Variants in SHKBP1 observed in about 807,000 individuals in gnomAD.
SHKBP1 encodes SH3KBP1-binding protein 1.
Under a neutral mutation model 83.9 loss-of-function variants are expected in SHKBP1, and 71 were observed. That is an observed-to-expected ratio of 0.85 (90% CI 0.70 to 1.03). The LOEUF (loss-of-function observed/expected upper bound fraction) is 1.03. Ranked by LOEUF, SHKBP1 falls within the 50% of genes least tolerant of loss-of-function variation. The probability of loss-of-function intolerance (pLI) is 0.00; values close to 1 mark genes in which losing one functional copy is unlikely to be tolerated. For synonymous variants in SHKBP1, 371 were observed against 398.0 expected (o/e 0.93, Z 0.81); for missense variants, 824 against 982.4 (o/e 0.84, Z 2.16).
rs1397031769 is a variant in SHKBP1, at chr19:40,582,850, CAG to C, written c.960+387_960+388del. Reference sequence around the variant, plus strand: ...AGGATGGCTTTGGGAGAAAGACAGACAGAGGCAGAGAAAGAGACAGAGAGGCA... The same window carrying C: ...AGGATGGCTTTGGGAGAAAGACAGACAGGCAGAGAAAGAGACAGAGAGGCA... On this transcript the variant is annotated intron_variant, in intron 10 of 17. Transcript: ENST00000291842. Among the ~76,000 whole-genome samples the C allele has an allele frequency of 2.0e-5, 3 of 150,554 alleles. No individual in the cohort carries two copies. The East Asian group carries it at 5.9e-4, about 29-fold the overall frequency.
chr19:40,578,034 T>C, intron 4 of SHKBP1, 120 bp from the exon 5 acceptor site: 3 of 816,116 alleles, frequency 3.7e-6, no homozygotes, highest in South Asian at 2.9e-5. Flanking sequence ...TTAGCATCTT[T>C]ATTCCATCAA....
At position 40,590,251 on chromosome 19, in the gene SHKBP1, T is replaced by G; in HGVS notation, c.1597T>G (p.Ser533Ala). 6.3e-7 allele frequency: 1 copy of G among 1,588,798 alleles called. No homozygotes were observed. Among genetic ancestry groups the G allele is most frequent in the Non-Finnish European group, 8.6e-7 (1 of 1,169,464 alleles). The change falls in exon 16 of 18, where the codon TCC becomes GCC. Residue 533 changes from serine (S) to alanine (A), a missense_variant. Around this residue, in one of 3 missense-constraint regions of SHKBP1, gnomAD observed 287 missense variants for 322.9 expected, o/e 0.89. Transcript: ENST00000291842. The surrounding 1 kb of genome is among the most constrained non-coding windows in gnomAD (Gnocchi z 4.6). ...RLSSTGQRVC[S>A]VRSVDGSPTT... ...CCCCACTGCACCCCCCAGGGTGTGC[T>G]CCGTGCGCTCCGTGGACGGCTCACC... is the stretch of plus-strand genomic sequence containing the variant.
Position 40,576,923 on chromosome 19 carries a change from C to T in SHKBP1, c.24C>T (p.Ala8=). 6.7e-7 allele frequency: 1 copy of T among 1,485,096 alleles called. No individual in the cohort carries two copies. Among genetic ancestry groups the T allele is most frequent in the Non-Finnish European group, 8.9e-7 (1 of 1,122,384 alleles). 92.0% of individuals were successfully genotyped at this position (1,485,096 alleles called of 1,614,324 possible). MAAAATA[A]EGVPSRGPPG... is the part of the protein sequence containing the mutation. Reference sequence around the variant, plus strand: ...CCATGGCAGCAGCGGCTACTGCAGCCGAGGGGGTCCCCAGTCGGGGGCCTC... The same window carrying T: ...CCATGGCAGCAGCGGCTACTGCAGCTGAGGGGGTCCCCAGTCGGGGGCCTC... The change falls in exon 1 of 18, where the codon GCC becomes GCT. Residue 8 remains alanine (A), a synonymous_variant. Transcript: ENST00000291842.
At chr19:40,581,130 C>T (rs2081266431) in intron 9 of SHKBP1, among the ~76,000 whole-genome samples, 194 bp downstream of exon 9, 1 of 152,136 alleles carries the variant, frequency 6.6e-6, no homozygotes, top group Admixed American at 6.6e-5. Context: ...AAAATCCACC[C>T]ACATACAATT....
rs1335297535 is a variant in SHKBP1 at position 40,583,311 on chromosome 19, G to T, written c.961-87G>T. 4 of 1,112,418 alleles carry T rather than the reference G, an allele frequency of 3.6e-6. No individual in the cohort carries two copies. The East Asian group carries it at 1.0e-4, about 29-fold the overall frequency. 68.9% of individuals were successfully genotyped at this position (1,112,418 alleles called of 1,614,324 possible). A position where few individuals can be genotyped will look rare whatever the true frequency, so the allele number is the denominator to read the frequency against. ...CAGTGGGTGGGTTCTGGAGGTGGAGGAGAGGGCCCATCCTCTGTGAGGGGT... is the reference window on the plus strand; with the variant it reads ...CAGTGGGTGGGTTCTGGAGGTGGAGTAGAGGGCCCATCCTCTGTGAGGGGT... On this transcript the variant is annotated intron_variant, in intron 10 of 17. Coordinates refer to ENST00000291842, the MANE Select transcript of SHKBP1 (RefSeq NM_138392.4).
chr19:40,577,154 C>T, intron 1 of SHKBP1, 77 bp from the exon 2 acceptor site: 1 of 1,576,108 alleles, frequency 6.3e-7, no homozygotes, highest in Non-Finnish European at 8.7e-7. Context: ...GGAGGGAACC[C>T]TGGATCCTGC....
chr19:40,590,346 G>A lies in SHKBP1; in HGVS notation c.1692G>A (p.Leu564=), dbSNP rs765933240. ...RRLGSRPRRY[L]LTGQANGSLA... Reference sequence around the variant, plus strand: ...TCGGCTCTCGGCCCCGGCGCTACCTGCTCACTGGCCAGGCCAACGGCAGCT... The same window carrying A: ...TCGGCTCTCGGCCCCGGCGCTACCTACTCACTGGCCAGGCCAACGGCAGCT... The change falls in exon 16 of 18, where the codon CTG becomes CTA. Residue 564 remains leucine, a synonymous_variant. Coordinates refer to ENST00000291842, the MANE Select transcript of SHKBP1 (RefSeq NM_138392.4). The surrounding 1 kb of genome is among the most constrained non-coding windows in gnomAD (Gnocchi z 4.6). 1 of 1,612,104 alleles carries A rather than the reference G, an allele frequency of 6.2e-7. No homozygotes were observed. The highest frequency in any genetic ancestry group is 8.5e-7 in the Non-Finnish European group (1 of 1,179,436).
rs1004592060 is a variant in SHKBP1 at position 40,590,632 on chromosome 19, C to T, written c.1769-98C>T. ...CCATGCATTGATCTCTGCTTCCTCT[C>T]TCCTGTCCTGACCCTCGGTGCTTGC... On this transcript the variant is annotated intron_variant, in intron 16 of 17. Transcript: ENST00000291842. This position sits in a 1 kb window ranked among gnomAD's most constrained non-coding sequence, Gnocchi z 4.6. 18 of 1,453,048 alleles carry T rather than the reference C, an allele frequency of 1.2e-5. No homozygotes were observed. The highest frequency in any genetic ancestry group is 2.8e-5 in the African/African-American group (2 of 71,024). The allele number at this position is 1,453,048 out of a possible 1,614,324, so 90.0% of individuals were successfully genotyped here. A position where few individuals can be genotyped will look rare whatever the true frequency, so the allele number is the denominator to read the frequency against.
rs753076282 is a variant in SHKBP1, at chr19:40,589,208, A to G, written c.1589+30A>G. The G allele has an allele frequency of 1.2e-5, 17 of 1,465,018 alleles. No homozygotes were observed. The East Asian group carries it at 3.7e-4, about 32-fold the overall frequency. 90.8% of individuals were successfully genotyped at this position (1,465,018 alleles called of 1,614,324 possible). ...GGACAGTCCTGTCCAACAGGGAGGG[A>G]GGACAGTCCTGTCCAACAGGGAGGG... On this transcript the variant is annotated intron_variant, in intron 15 of 17. Coordinates refer to ENST00000291842, the MANE Select transcript of SHKBP1 (RefSeq NM_138392.4).
In SHKBP1 at chr19:40,590,529, C is replaced by T; in HGVS notation, c.1768+107C>T. The T allele has an allele frequency of 1.4e-6, 2 of 1,382,340 alleles. No homozygotes were observed. The highest frequency in any genetic ancestry group is 1.4e-5 in the South Asian group (1 of 72,974). The allele number at this position is 1,382,340 out of a possible 1,614,324, so 85.6% of individuals were successfully genotyped here. On this transcript the variant is annotated intron_variant, in intron 16 of 17. Transcript: ENST00000291842. The surrounding 1 kb of genome is among the most constrained non-coding windows in gnomAD (Gnocchi z 4.6). ...CTCTCCCAGGCCCTTGCCCTCTGACCCCTTTTCCTTTGACCCCCTCTCTGC... is the reference window on the plus strand; with the variant it reads ...CTCTCCCAGGCCCTTGCCCTCTGACTCCTTTTCCTTTGACCCCCTCTCTGC...
Position 40,578,163 on chromosome 19 carries a change from C to T in SHKBP1, c.270C>T (p.His90=), listed in dbSNP as rs886890304. ...CAATTCTACTACCCAGGGGTGTCCA[C>T]GGTTCCAGCCTCCTCCATGAAGCCC... The part of the protein sequence containing the change: ...RTKELDPRGV[H]GSSLLHEAQF... Residue 90 remains histidine, a synonymous_variant, in exon 5 of 18, where the codon CAC becomes CAT. Coordinates refer to ENST00000291842, the MANE Select transcript of SHKBP1 (RefSeq NM_138392.4). 10 of 1,613,922 alleles carry T rather than the reference C, an allele frequency of 6.2e-6. No individual in the cohort carries two copies. Among genetic ancestry groups the T allele is most frequent in the African/African-American group, 4.0e-5 (3 of 74,930 alleles).
At chr19:40,579,620 C>T (rs2081250016) in intron 6 of SHKBP1, among the ~76,000 whole-genome samples, 1 of 152,200 alleles carries the variant, frequency 6.6e-6, no homozygotes, top group Non-Finnish European at 1.5e-5. Context: ...ACTATGATCA[C>T]TCATTACACC....
Position 40,576,987 on chromosome 19 carries a change from TG to T in SHKBP1, c.86+3del. The T allele has an allele frequency of 6.6e-7, 1 of 1,511,958 alleles. No individual in the cohort carries two copies. The highest frequency in any genetic ancestry group is 8.8e-7 in the Non-Finnish European group (1 of 1,130,922). 93.7% of individuals were successfully genotyped at this position (1,511,958 alleles called of 1,614,324 possible). A position where few individuals can be genotyped will look rare whatever the true frequency, so the allele number is the denominator to read the frequency against. On this transcript the variant is annotated splice_donor_region_variant and intron_variant, in intron 1 of 17. Transcript: ENST00000291842. Reference sequence around the variant, plus strand: ...TCATCTGAATGTGGGAGGCAAGAGGTGAGTGTGGGAGACTCCTGAGGTCCCA... The same window carrying T: ...TCATCTGAATGTGGGAGGCAAGAGGTAGTGTGGGAGACTCCTGAGGTCCCA...
chr19:40,578,512 G>A lies in SHKBP1; in HGVS notation c.370G>A (p.Val124Ile). The change falls in exon 6 of 18, where the codon GTC becomes ATC. Residue 124 changes from valine (V) to isoleucine (I), a missense_variant. Transcript: ENST00000291842. Reference protein sequence around the residue: ...EELDRSSCGNVLFNGYLPPPV... With the variant: ...EELDRSSCGNILFNGYLPPPV... ...GTTGGATCGATCTTCTTGTGGAAAC[G>A]TCCTCTTCAATGGTTACCTGCCGCC... The A allele has an allele frequency of 1.2e-6, 2 of 1,614,112 alleles. No homozygotes were observed. The highest frequency in any genetic ancestry group is 1.7e-6 in the Non-Finnish European group (2 of 1,180,036).
Position 40,591,339 on chromosome 19 carries a change from C to A in SHKBP1, c.*132C>A. On this transcript the variant is annotated 3_prime_UTR_variant, in exon 18 of 18. Transcript: ENST00000291842. ...TAAATGGTTATTGTTACTAGGTCCC[C>A]ACCTTCCCTCTTTTCTGGAAGCCAA... 1.4e-6 allele frequency: 1 copy of A among 724,976 alleles called. No homozygotes were observed. Among genetic ancestry groups the A allele is most frequent in the Non-Finnish European group, 2.1e-6 (1 of 470,266 alleles). The allele number at this position is 724,976 out of a possible 1,614,324, so 44.9% of individuals were successfully genotyped here.
In SHKBP1 at chr19:40,582,428, C is replaced by T. The variant is rs1049793310; in HGVS notation, c.922C>T (p.Arg308Cys). Residue 308 changes from arginine (R) to cysteine (C), a missense_variant, in exon 10 of 18, where the codon CGC becomes TGC. Physicochemically the swap from Arg to Cys is radical, Grantham distance 180 (BLOSUM62 -3). This residue lies in a region of SHKBP1 where 182 missense variants were observed against 273.1 expected (regional missense o/e 0.67). Transcript: ENST00000291842. ...GCTCATTGCTACAAGCCACACAGGG[C>T]GCATCGGGGTGTGGAATGCCGTCAC... ...NQLIATSHTG[R>C]IGVWNAVTKH... The T allele has an allele frequency of 5.6e-6, 9 of 1,613,970 alleles. No homozygotes were observed. The highest frequency in any genetic ancestry group is 5.0e-5 in the Admixed American group (3 of 59,984).
chr19:40,580,071 A>G (rs1208775795), intron 6 of SHKBP1: 3 of 367,336 alleles, frequency 8.2e-6, no homozygotes, highest in African/African-American at 2.1e-5. Flanking sequence ...ATTAGGTAAT[A>G]CTGCAGATTC....
Position 40,586,840 on chromosome 19 carries a change from A to G in SHKBP1, c.1232A>G (p.Gln411Arg), listed in dbSNP as rs2081316523. The part of the protein sequence containing the change: ...TSSGGVRVIV[Q>R]HPETVGSGPQ... Reference sequence around the variant, plus strand: ...TCAGGGGGCGTGCGGGTCATCGTGCAGCACCCGGAGACTGTGGGCTCGGGG... The same window carrying G: ...TCAGGGGGCGTGCGGGTCATCGTGCGGCACCCGGAGACTGTGGGCTCGGGG... Residue 411 changes from glutamine to arginine, a missense_variant, in exon 13 of 18, where the codon CAG (glutamine) becomes CGG (arginine). Gln to Arg is a conservative substitution (Grantham distance 43, BLOSUM62 1). Coordinates refer to ENST00000291842, the MANE Select transcript of SHKBP1 (RefSeq NM_138392.4). 6.2e-7 allele frequency: 1 copy of G among 1,612,216 alleles called. No homozygotes were observed. Among genetic ancestry groups the G allele is most frequent in the Non-Finnish European group, 8.5e-7 (1 of 1,178,820 alleles).
chr19:40,582,604 G>A (rs2081278993), intron 10 of SHKBP1, 138 bp downstream of exon 10: 4 of 688,566 alleles, frequency 5.8e-6, no homozygotes, highest in Admixed American at 2.9e-5. Flanking sequence ...GCCAGAGCCT[G>A]GGGATGTCTG....
Sources: allele counts gnomAD v4.1 joint callset (sites outside exome capture counted in the v4.1 genomes callset), GRCh38; gene constraint gnomAD v4.1.1; regional missense constraint gnomAD v4.1.1; non-coding constraint Gnocchi (gnomAD v3.1); transcripts MANE v1.5; gene names NCBI Gene and HGNC (gene_info 2026-07-23, HGNC 2026-07-21).